ATG12: variants seen among roughly 807,000 people sequenced by gnomAD.
ATG12 encodes the protein autophagy related 12, also known as ubiquitin-like protein ATG12.
In ATG12, 19 loss-of-function variants were observed where a neutral mutation model predicts 17.6. The ratio of observed to expected loss-of-function variants is 1.08; its 90% CI spans 0.75 to 1.58. ATG12 has a LOEUF of 1.58. Ranked by LOEUF, ATG12 falls within the 40% of genes most tolerant of loss-of-function variation. ATG12 has a pLI of 0.00. For missense variants in ATG12, 214 were observed against 162.0 expected, an observed-to-expected ratio of 1.32 and a Z score of -1.74; for synonymous variants, 75 against 62.4, an observed-to-expected ratio of 1.20 and a Z score of -0.95.
chr5:115,835,786 C>G (rs535738640), intron 2 of ATG12, among the ~76,000 whole-genome samples: 63 of 152,302 alleles, frequency 4.1e-4, no homozygotes, highest in African/African-American at 1.4e-3. Context: ...AACCCTGTTT[C>G]TTACTGCTTC....
rs1052261112 is a variant in ATG12, at chr5:115,837,779, T to C, written c.164-15A>G. On this transcript the variant is annotated splice_polypyrimidine_tract_variant and intron_variant, in intron 1 of 3. Coordinates refer to ENST00000509910, the MANE Select transcript of ATG12 (RefSeq NM_004707.4). ...CAAAATGTCAACTGTAAAAGAAGAA[T>C]AAAATTTACTGACAATTACACTGAA... The C allele has an allele frequency of 1.1e-5, 17 of 1,580,108 alleles. No individual in the cohort carries two copies. The highest frequency in any genetic ancestry group is 1.5e-5 in the Non-Finnish European group (17 of 1,167,632).
intron 1 of ATG12, chr5:115,840,789 T>C (rs1000755428): frequency 3.3e-6 from 4 of 1,197,028 alleles, no homozygotes; most frequent in East Asian, 5.9e-5. Context: ...GGGTTGAGGA[T>C]AGCTGACTCA....
chr5:115,833,754 C>A (rs1326055499), intron 2 of ATG12: 1 of 152,102 alleles, frequency 6.6e-6, no homozygotes, highest in Non-Finnish European at 1.5e-5. Context: ...AATTTCAGAA[C>A]TGTAACAGAA....
chr5:115,836,690 T>C (rs1761116761), intron 2 of ATG12, among the ~76,000 whole-genome samples: 1 of 152,222 alleles, frequency 6.6e-6, no homozygotes, highest in Admixed American at 6.5e-5. Flanking sequence ...TACTTAGCAA[T>C]TCTTCAATTA....
At position 115,829,948 on chromosome 5, in the gene ATG12, CCACTAAAAAT is replaced by C. The variant is rs1215891664; in HGVS notation, c.*1846_*1855del. The C allele has an allele frequency of 6.6e-6, 1 of 151,898 alleles. No individual in the cohort carries two copies. Among genetic ancestry groups the C allele is most frequent in the Non-Finnish European group, 1.5e-5 (1 of 68,008 alleles). 9.4% of individuals were successfully genotyped at this position (151,898 alleles called of 1,614,324 possible). ...TGGCCAAAATGGTAAAACCCTGTCTCCACTAAAAATAACAAAAAATTAGGCGGGTGTGGTG... is the reference window on the plus strand; with the variant it reads ...TGGCCAAAATGGTAAAACCCTGTCTCAACAAAAAATTAGGCGGGTGTGGTG... On this transcript the variant is annotated 3_prime_UTR_variant, in exon 4 of 4. Transcript: ENST00000509910.
chr5:115,840,602 AC>A, intron 1 of ATG12: 2 of 1,279,096 alleles, frequency 1.6e-6, no homozygotes, highest in Non-Finnish European at 1.0e-6. Context: ...CCGGCCAGAG[AC>A]CACTGTCATC....
chr5:115,836,136 G>C (rs1761088933), intron 2 of ATG12, among the ~76,000 whole-genome samples: 1 of 152,244 alleles, frequency 6.6e-6, no homozygotes, highest in Admixed American at 6.5e-5. Context: ...AAATGGGAAA[G>C]GATAATCATA....
At chr5:115,837,946 C>T (rs1418288482) in intron 1 of ATG12, 182 bp from the exon 2 acceptor site, 2 of 528,040 alleles carry the variant, frequency 3.8e-6, no homozygotes, top group East Asian at 3.6e-5. Flanking sequence ...CTTGATCCTA[C>T]AAAGTTCTCC....
chr5:115,831,908 T>C, intron 3 of ATG12, 45 bp from the exon 4 acceptor site: 1 of 1,552,088 alleles, frequency 6.4e-7, no homozygotes, highest in East Asian at 2.3e-5. Context: ...CTTTTATTAT[T>C]CTTAGATGAA....
chr5:115,840,074 C>T (rs1273124481), intron 1 of ATG12, among the ~76,000 whole-genome samples: 2 of 152,294 alleles, frequency 1.3e-5, no homozygotes, highest in East Asian at 3.9e-4. Context: ...AATCTCCGAA[C>T]GTCCGCTCTT....
intron 1 of ATG12, 129 bp from the exon 2 acceptor site, chr5:115,837,893 GT>G: frequency 1.4e-6 from 1 of 733,980 alleles, no homozygotes; most frequent in Non-Finnish European, 2.0e-6. Context: ...CTGAAGATAT[GT>G]GAGAGATGTA....
rs1417356104 is a variant in ATG12 at position 115,829,592 on chromosome 5, C to T, written c.*2212G>A. On this transcript the variant is annotated 3_prime_UTR_variant, in exon 4 of 4. Transcript: ENST00000509910. ...GTAAGATGAAGCATGATATTAATGA[C>T]ATCTATTTAGTCACAAAGAAAATTT... 1 of 152,158 alleles carries T rather than the reference C, an allele frequency of 6.6e-6. No homozygotes were observed. Among genetic ancestry groups the T allele is most frequent in the Non-Finnish European group, 1.5e-5 (1 of 68,024 alleles). 9.4% of individuals were successfully genotyped at this position (152,158 alleles called of 1,614,324 possible).
chr5:115,838,011 G>A lies in ATG12; in HGVS notation c.164-247C>T. The A allele has an allele frequency of 2.4e-5, 8 of 337,878 alleles. No individual in the cohort carries two copies. In the South Asian group the frequency reaches 2.5e-4, roughly 10 times the overall value. The allele number at this position is 337,878 out of a possible 1,614,324, so 20.9% of individuals were successfully genotyped here. On this transcript the variant is annotated intron_variant, in intron 1 of 3. Coordinates refer to ENST00000509910, the MANE Select transcript of ATG12 (RefSeq NM_004707.4). ...ATCTTAACAGGCAGTTCCAAAGAGA[G>A]GAAATACAAATGATCAATACACAAA...
intron 2 of ATG12, among the ~76,000 whole-genome samples, chr5:115,835,949 A>G (rs1318456042): frequency 6.6e-6 from 1 of 152,042 alleles, no homozygotes; most frequent in African/African-American, 2.4e-5. Context: ...TAGTTGACTA[A>G]GTTTTGTGAG....
intron 1 of ATG12, among the ~76,000 whole-genome samples, chr5:115,840,204 G>T (rs946606479): frequency 6.6e-6 from 1 of 152,196 alleles, no homozygotes; most frequent in Admixed American, 6.5e-5. Flanking sequence ...GTGGAAATGG[G>T]AGTCTGATTT....
At chr5:115,838,665 GAAC>G (rs1445726420) in intron 1 of ATG12, 8 of 152,158 alleles carry the variant, frequency 5.3e-5, no homozygotes, top group Non-Finnish European at 8.8e-5. Flanking sequence ...ATTAACAATA[GAAC>G]AACCAAAGCC....
rs573795551 is a variant in ATG12, at chr5:115,837,281, T to C, written c.300+347A>G. On this transcript the variant is annotated intron_variant, in intron 2 of 3. Coordinates refer to ENST00000509910, the MANE Select transcript of ATG12 (RefSeq NM_004707.4). ...AAGGCAGGGCACAGTGGCACACTCATGTAATTCTAGCACTTCTGAGGCGGC... is the reference window on the plus strand; with the variant it reads ...AAGGCAGGGCACAGTGGCACACTCACGTAATTCTAGCACTTCTGAGGCGGC... Among the ~76,000 whole-genome samples the C allele has an allele frequency of 2.0e-5, 3 of 152,102 alleles. No individual in the cohort carries two copies. The South Asian group carries it at 6.2e-4, about 32-fold the overall frequency.
At chr5:115,834,611 GCT>G (rs372324151) in intron 2 of ATG12, among the ~76,000 whole-genome samples, 5 of 152,018 alleles carry the variant, frequency 3.3e-5, no homozygotes, top group African/African-American at 4.8e-5. Context: ...TGGTTATAAA[GCT>G]CTCTGTCTAG....
At chr5:115,832,152 TCTAGTAGTGGTG>T (rs1484056163) in intron 3 of ATG12, among the ~76,000 whole-genome samples, 1 of 152,076 alleles carries the variant, frequency 6.6e-6, no homozygotes, top group Non-Finnish European at 1.5e-5. Context: ...TTAGCTGTTT[TCTAGTAGTGGTG>T]CTAGTATGTG....
Sources: gnomAD v4.1 joint callset for allele counts (sites outside exome capture counted in the v4.1 genomes callset) on GRCh38, gnomAD v4.1.1 for gene constraint, MANE v1.5 for transcripts, NCBI Gene and HGNC (gene_info 2026-07-23, HGNC 2026-07-21) for gene names.